Variants in NEFH observed in about 807,000 individuals in gnomAD.
NEFH encodes neurofilament heavy chain, also known as neurofilament heavy polypeptide.
Under a neutral mutation model 56.6 loss-of-function variants are expected in NEFH, and 58 were observed. The ratio of observed to expected loss-of-function variants is 1.03; its 90% CI spans 0.83 to 1.28. The LOEUF (loss-of-function observed/expected upper bound fraction) is 1.28, where lower values mean the gene tolerates loss of function less well. NEFH is among the 50% of genes most tolerant of loss of function. The probability of loss-of-function intolerance (pLI) is 0.00; values close to 1 mark genes in which losing one functional copy is unlikely to be tolerated. For synonymous variants in NEFH, 542 were observed against 545.8 expected (o/e 0.99, Z 0.10); for missense variants, 1,221 against 1,307.6 (o/e 0.93, Z 1.02).
At chr22:29,482,463 C>T (rs759563670) in intron 1 of NEFH, among the ~76,000 whole-genome samples, 1 of 152,166 alleles carries the variant, frequency 6.6e-6, no homozygotes, top group African/African-American at 2.4e-5. Flanking sequence ...TGGCGGGGGC[C>T]GGGGTGTGGC....
intron 1 of NEFH, among the ~76,000 whole-genome samples, 175 bp from the exon 2 acceptor site, chr22:29,483,200 A>T (rs1398617982): frequency 6.7e-6 from 1 of 150,194 alleles, no homozygotes; most frequent in Non-Finnish European, 1.5e-5. Context: ...AATCGCTTGA[A>T]CCCAGGAGGC....
At position 29,481,233 on chromosome 22, in the gene NEFH, G is replaced by A. The variant is rs567088364; in HGVS notation, c.883+88G>A. ...TGCGTGACCCAAGGGGGCGCTGCCG[G>A]ACTGCGCGTGGAGTGGCGCGCTGCT... On this transcript the variant is annotated intron_variant, in intron 1 of 3. Coordinates refer to ENST00000310624, the MANE Select transcript of NEFH (RefSeq NM_021076.4). The A allele has an allele frequency of 7.3e-4, 966 of 1,326,910 alleles. 4 individuals are homozygous for A. The Middle Eastern group carries it at 0.015, about 20-fold the overall frequency. 82.2% of individuals were successfully genotyped at this position (1,326,910 alleles called of 1,614,324 possible). A position where few individuals can be genotyped will look rare whatever the true frequency, so the allele number is the denominator to read the frequency against.
Position 29,480,581 on chromosome 22 carries a change from C to A in NEFH, c.319C>A (p.Arg107Ser), listed in dbSNP as rs868037143. 6.4e-7 allele frequency: 1 copy of A among 1,554,554 alleles called. No homozygotes were observed. Among genetic ancestry groups the A allele is most frequent in the East Asian group, 2.3e-5 (1 of 42,680 alleles). ...GGAGCAGCTGCAGGCGCTGAACGACCGCTTCGCCGGGTACATCGACAAGGT... is the reference window on the plus strand; with the variant it reads ...GGAGCAGCTGCAGGCGCTGAACGACAGCTTCGCCGGGTACATCGACAAGGT... ...EKEQLQALND[R>S]FAGYIDKVRQ... is the part of the protein sequence containing the mutation. Residue 107 changes from arginine (R) to serine (S), a missense_variant, in exon 1 of 4, where the codon CGC becomes AGC. Around this residue, in one of 4 missense-constraint regions of NEFH, gnomAD observed 640 missense variants for 555.5 expected, o/e 1.15. Transcript: ENST00000310624.
At position 29,480,875 on chromosome 22, in the gene NEFH, T is replaced by C; in HGVS notation, c.613T>C (p.Phe205Leu). The C allele has an allele frequency of 7.1e-7, 1 of 1,415,134 alleles. No individual in the cohort carries two copies. Among genetic ancestry groups the C allele is most frequent in the Non-Finnish European group, 9.1e-7 (1 of 1,097,598 alleles). 87.7% of individuals were successfully genotyped at this position (1,415,134 alleles called of 1,614,324 possible). ...AEAAARALAR[F>L]AQEAEAARVD... The stretch of plus-strand genomic sequence containing the variant: ...GGCGGCGGCCCGCGCGCTGGCGCGC[T>C]TCGCGCAGGAGGCCGAGGCGGCGCG... Residue 205 changes from phenylalanine (F) to leucine (L), a missense_variant, in exon 1 of 4, where the codon TTC becomes CTC. Phe to Leu is a conservative substitution (Grantham distance 22). Transcript: ENST00000310624.
At position 29,485,859 on chromosome 22, in the gene NEFH, A is replaced by G. The variant is rs2146396734; in HGVS notation, c.1208+12A>G. On this transcript the variant is annotated intron_variant, in intron 3 of 3. Transcript: ENST00000310624. Reference sequence around the variant, plus strand: ...ATAGCCGCTTACAGGTGAGACGCACAGGGGCTGTCACATGGTGAAGAAAGC... The same window carrying G: ...ATAGCCGCTTACAGGTGAGACGCACGGGGGCTGTCACATGGTGAAGAAAGC... 6.2e-7 allele frequency: 1 copy of G among 1,614,178 alleles called. No homozygotes were observed.
rs946863869 is a variant in NEFH, at chr22:29,489,130, GAGA to G, written c.1498_1500del (p.Glu500del). 3.1e-6 allele frequency: 5 copies of G among 1,613,004 alleles called. No individual in the cohort carries two copies. In the African/African-American group the frequency reaches 5.4e-5, roughly 17 times the overall value. On this transcript the variant is annotated inframe_deletion, in exon 4 of 4. Transcript: ENST00000310624. Reference sequence around the variant, plus strand: ...GGTGAAGAAGAGGAGGCAGAAGGGGGAGAAGAAGAAACAAAGTCTCCCCCAGCA... The same window carrying G: ...GGTGAAGAAGAGGAGGCAGAAGGGGGAGAAGAAACAAAGTCTCCCCCAGCA...
chr22:29,490,850 A>T lies in NEFH; in HGVS notation c.*147A>T. On this transcript the variant is annotated 3_prime_UTR_variant, in exon 4 of 4. Transcript: ENST00000310624. Reference sequence around the variant, plus strand: ...ACGGGGCCTCCTTCTTCAAACAGGAATTTCTGTTAGCAATATGTTAGCAAG... The same window carrying T: ...ACGGGGCCTCCTTCTTCAAACAGGATTTTCTGTTAGCAATATGTTAGCAAG... 6.7e-7 allele frequency: 1 copy of T among 1,483,826 alleles called. No homozygotes were observed. Among genetic ancestry groups the T allele is most frequent in the Non-Finnish European group, 9.1e-7 (1 of 1,099,176 alleles). 91.9% of individuals were successfully genotyped at this position (1,483,826 alleles called of 1,614,324 possible).
Position 29,480,877 on chromosome 22 carries a change from C to T in NEFH, c.615C>T (p.Phe205=), listed in dbSNP as rs1301849129. 9.2e-6 allele frequency: 13 copies of T among 1,417,596 alleles called. No homozygotes were observed. Among genetic ancestry groups the T allele is most frequent in the Non-Finnish European group, 1.2e-5 (13 of 1,098,928 alleles). The allele number at this position is 1,417,596 out of a possible 1,614,324, so 87.8% of individuals were successfully genotyped here. A position where few individuals can be genotyped will look rare whatever the true frequency, so the allele number is the denominator to read the frequency against. The part of the protein sequence containing the change: ...AEAAARALAR[F]AQEAEAARVD... ...CGGCGGCCCGCGCGCTGGCGCGCTT[C>T]GCGCAGGAGGCCGAGGCGGCGCGCG... is the stretch of plus-strand genomic sequence containing the variant. Residue 205 remains phenylalanine, a synonymous_variant, in exon 1 of 4, where the codon TTC becomes TTT. Transcript: ENST00000310624.
At chr22:29,482,955 CAGT>C (rs1343109295) in intron 1 of NEFH, among the ~76,000 whole-genome samples, 2 of 152,124 alleles carry the variant, frequency 1.3e-5, no homozygotes, top group Non-Finnish European at 1.5e-5. Flanking sequence ...CTGGCACACG[CAGT>C]AGGTCAATCC....
At chr22:29,482,104 C>G (rs942063015) in intron 1 of NEFH, among the ~76,000 whole-genome samples, 3 of 152,198 alleles carry the variant, frequency 2.0e-5, no homozygotes, top group Non-Finnish European at 2.9e-5. Context: ...GAATCTCCAA[C>G]CACCTGGATG....
intron 1 of NEFH, 26 bp from the exon 2 acceptor site, chr22:29,483,349 C>T: frequency 6.2e-7 from 1 of 1,611,990 alleles, no homozygotes; most frequent in Non-Finnish European, 8.5e-7. Context: ...GTGTCTAACC[C>T]TGTGCCCTGC....
In NEFH at chr22:29,480,941, T is replaced by G. The variant is rs545165695; in HGVS notation, c.679T>G (p.Cys227Gly). 2 of 1,528,300 alleles carry G rather than the reference T, an allele frequency of 1.3e-6. No homozygotes were observed. The highest frequency in any genetic ancestry group is 1.4e-5 in the African/African-American group (1 of 71,646). The allele number at this position is 1,528,300 out of a possible 1,614,324, so 94.7% of individuals were successfully genotyped here. Reference protein sequence around the residue: ...QKKAQALQEECGYLRRHHQEE... With the variant: ...QKKAQALQEEGGYLRRHHQEE... ...GAAGGCGCAGGCGCTGCAGGAGGAG[T>G]GCGGCTACCTGCGGCGCCACCACCA... The change falls in exon 1 of 4, where the codon TGC (cysteine) becomes GGC (glycine). Residue 227 changes from cysteine to glycine, a missense_variant. Physicochemically the swap from Cys to Gly is radical, Grantham distance 159. Around this residue, in one of 4 missense-constraint regions of NEFH, gnomAD observed 640 missense variants for 555.5 expected, o/e 1.15. Coordinates refer to ENST00000310624, the MANE Select transcript of NEFH (RefSeq NM_021076.4).
At chr22:29,485,585 C>A in intron 2 of NEFH, 138 bp from the exon 3 acceptor site, 1 of 1,009,760 alleles carries the variant, frequency 9.9e-7, no homozygotes, top group Non-Finnish European at 1.5e-6. Context: ...GACCCTACAG[C>A]TCTGGCAGGG....
chr22:29,490,017 G>A lies in NEFH; in HGVS notation c.2377G>A (p.Val793Ile). 1.2e-6 allele frequency: 2 copies of A among 1,614,006 alleles called. No homozygotes were observed. Among genetic ancestry groups the A allele is most frequent in the Non-Finnish European group, 1.7e-6 (2 of 1,180,010 alleles). ...EKAKSPVKEEVKSPEKAKSPL... is the reference protein window; with the variant it reads ...EKAKSPVKEEIKSPEKAKSPL... Reference sequence around the variant, plus strand: ...GGCCAAAAGCCCTGTCAAGGAGGAGGTCAAGTCCCCAGAGAAGGCGAAATC... The same window carrying A: ...GGCCAAAAGCCCTGTCAAGGAGGAGATCAAGTCCCCAGAGAAGGCGAAATC... The change falls in exon 4 of 4, where the codon GTC (valine) becomes ATC (isoleucine). Residue 793 changes from valine to isoleucine, a missense_variant. Around this residue, in one of 4 missense-constraint regions of NEFH, gnomAD observed 301 missense variants for 346.6 expected, o/e 0.87. Transcript: ENST00000310624.
rs1044056475 is a variant in NEFH, at chr22:29,490,091, G to A, written c.2451G>A (p.Lys817=). The change falls in exon 4 of 4, where the codon AAG becomes AAA. Residue 817 remains lysine (K), a synonymous_variant. Transcript: ENST00000310624. ...CCCCTGAGAAGGAGATCCCAAAAAA[G>A]GAAGAGGTGAAGTCCCCAGTGAAGG... is the stretch of plus-strand genomic sequence containing the variant. ...AKAPEKEIPK[K]EEVKSPVKEE... 10 of 1,613,354 alleles carry A rather than the reference G, an allele frequency of 6.2e-6. No individual in the cohort carries two copies. The African/African-American group carries it at 1.3e-4, about 22-fold the overall frequency.
At position 29,480,821 on chromosome 22, in the gene NEFH, G is replaced by A. The variant is rs1372062630; in HGVS notation, c.559G>A (p.Asp187Asn). 2 of 1,396,458 alleles carry A rather than the reference G, an allele frequency of 1.4e-6. No individual in the cohort carries two copies. The highest frequency in any genetic ancestry group is 5.8e-5 in the East Asian group (2 of 34,218). 86.5% of individuals were successfully genotyped at this position (1,396,458 alleles called of 1,614,324 possible). A position where few individuals can be genotyped will look rare whatever the true frequency, so the allele number is the denominator to read the frequency against. ...CGCGCACGTGCGCCAGCGCCTAGAC[G>A]ACGAGGCCCGGCAGCGAGAGGAGGC... ...DIAHVRQRLD[D>N]EARQREEAEA... Residue 187 changes from aspartate to asparagine, a missense_variant, in exon 1 of 4, where the codon GAC (aspartate) becomes AAC (asparagine). Coordinates refer to ENST00000310624, the MANE Select transcript of NEFH (RefSeq NM_021076.4).
Position 29,490,579 on chromosome 22 carries a change from A to G in NEFH, c.2939A>G (p.Lys980Arg). The G allele has an allele frequency of 1.2e-6, 2 of 1,614,078 alleles. No individual in the cohort carries two copies. Among genetic ancestry groups the G allele is most frequent in the Admixed American group, 3.3e-5 (2 of 59,994 alleles). The change falls in exon 4 of 4, where the codon AAG becomes AGG. Residue 980 changes from lysine to arginine, a missense_variant. By Grantham distance (26) the Lys-to-Arg change is conservative (BLOSUM62 2). Transcript: ENST00000310624. Reference protein sequence around the residue: ...KTEAKAKEDDKTLSKEPSKPK... With the variant: ...KTEAKAKEDDRTLSKEPSKPK... The stretch of plus-strand genomic sequence containing the variant: ...GAGGCCAAAGCCAAGGAAGATGACA[A>G]GACCCTCTCAAAAGAGCCTAGCAAG...
intron 2 of NEFH, among the ~76,000 whole-genome samples, chr22:29,484,184 C>T (rs1044691156): frequency 2.6e-5 from 4 of 152,132 alleles, no homozygotes; most frequent in Admixed American, 2.0e-4. Flanking sequence ...TTAGTGTGAA[C>T]TTGTGAATGA....
intron 2 of NEFH, among the ~76,000 whole-genome samples, chr22:29,484,672 TAAAA>T (rs1273203992): frequency 6.6e-6 from 1 of 151,874 alleles, no homozygotes; most frequent in Non-Finnish European, 1.5e-5. Context: ...TTAAAAAAAT[TAAAA>T]AAATTAGCTG....
Sources: gnomAD v4.1 joint callset for allele counts (sites outside exome capture counted in the v4.1 genomes callset) on GRCh38, gnomAD v4.1.1 for gene constraint, gnomAD v4.1.1 regional missense constraint, MANE v1.5 for transcripts, NCBI Gene and HGNC (gene_info 2026-07-23, HGNC 2026-07-21) for gene names.